PRKN: variants seen among roughly 807,000 people sequenced by gnomAD.
PRKN encodes the protein E3 ubiquitin-protein ligase parkin.
PRKN carries 56 observed loss-of-function variants against 59.5 expected under a neutral mutation model. That is an observed-to-expected ratio of 0.94 (90% CI 0.76 to 1.18). The LOEUF (loss-of-function observed/expected upper bound fraction) is 1.18. PRKN is among the 50% of genes most tolerant of loss of function. The probability of loss-of-function intolerance (pLI) is 0.00; values close to 1 mark genes in which losing one functional copy is unlikely to be tolerated. For missense variants in PRKN, 657 were observed against 596.4 expected, an observed-to-expected ratio of 1.10 and a Z score of -1.06; for synonymous variants, 250 against 222.1, an observed-to-expected ratio of 1.13 and a Z score of -1.12.
At chr6:161,705,854 C>T (rs1023047822) in intron 7 of PRKN, among the ~76,000 whole-genome samples, 1 of 152,060 alleles carries the variant, frequency 6.6e-6, no homozygotes, top group Non-Finnish European at 1.5e-5. Context: ...GTTGTTGTAC[C>T]TTCTTAGCTT....
chr6:162,149,774 C>T (rs1395065977), intron 4 of PRKN, among the ~76,000 whole-genome samples: 1 of 152,116 alleles, frequency 6.6e-6, no homozygotes, highest in Non-Finnish European at 1.5e-5. Context: ...TGGTGAGGGA[C>T]TGCAGCCGTC....
intron 2 of PRKN, among the ~76,000 whole-genome samples, chr6:162,357,409 T>C (rs1027220614): frequency 6.6e-6 from 1 of 152,168 alleles, no homozygotes; most frequent in Admixed American, 6.5e-5. Context: ...TCATATGTCA[T>C]TATGGAATTC....
chr6:162,075,452 C>T (rs1422093463), intron 4 of PRKN, among the ~76,000 whole-genome samples: 1 of 152,086 alleles, frequency 6.6e-6, no homozygotes, highest in Non-Finnish European at 1.5e-5. Flanking sequence ...TAAAACTTAA[C>T]TTGATCGCCT....
intron 5 of PRKN, among the ~76,000 whole-genome samples, chr6:162,008,971 G>A (rs1782372178): frequency 6.6e-6 from 1 of 151,890 alleles, no homozygotes; most frequent in Non-Finnish European, 1.5e-5. Context: ...CAGGTGAGGT[G>A]TGGCCAAGCG....
chr6:161,437,713 C>T (rs1411637299), intron 9 of PRKN, among the ~76,000 whole-genome samples: 1 of 152,062 alleles, frequency 6.6e-6, no homozygotes, highest in Non-Finnish European at 1.5e-5. Flanking sequence ...TTAATGTGTT[C>T]CTGAAAGGAA....
chr6:162,429,885 C>A (rs142657375), intron 2 of PRKN, among the ~76,000 whole-genome samples: 94 of 152,238 alleles, frequency 6.2e-4, no homozygotes, highest in Middle Eastern at 3.4e-3. Context: ...GCGTTTGACC[C>A]GGCTCATCCT....
At chr6:162,576,476 G>T (rs1194557257) in intron 1 of PRKN, among the ~76,000 whole-genome samples, 3 of 152,110 alleles carry the variant, frequency 2.0e-5, no homozygotes, top group African/African-American at 7.2e-5. Context: ...ATTGACTTTG[G>T]AATCTCACAG....
chr6:161,813,258 T>A (rs899004229), intron 6 of PRKN, among the ~76,000 whole-genome samples: 7 of 152,074 alleles, frequency 4.6e-5, no homozygotes, highest in Non-Finnish European at 8.8e-5. Context: ...TGGTTCAGCA[T>A]CCCAGGTGCG....
intron 2 of PRKN, among the ~76,000 whole-genome samples, chr6:162,331,310 C>T (rs796293649): frequency 1.3e-5 from 2 of 152,294 alleles, no homozygotes; most frequent in African/African-American, 4.8e-5. Flanking sequence ...GGTGGAGACA[C>T]AGAGCCAAAC....
At chr6:162,644,696 G>A (rs1481039337) in intron 1 of PRKN, among the ~76,000 whole-genome samples, 4 of 152,142 alleles carry the variant, frequency 2.6e-5, no homozygotes, top group African/African-American at 7.2e-5. Flanking sequence ...GTACCACTAG[G>A]CAATGCTAAC....
chr6:161,910,971 ATAGT>A (rs1465665591), intron 6 of PRKN, among the ~76,000 whole-genome samples: 3 of 152,282 alleles, frequency 2.0e-5, no homozygotes, highest in Non-Finnish European at 4.4e-5. Flanking sequence ...AGACTACAAC[ATAGT>A]TAGTTTTAGA....
intron 2 of PRKN, among the ~76,000 whole-genome samples, chr6:162,295,072 A>C (rs184497141): frequency 6.6e-6 from 1 of 152,368 alleles, no homozygotes; most frequent in Admixed American, 6.5e-5. Context: ...TCAACAATAT[A>C]TTAACTAGGC....
rs1431997171 is a variant in PRKN, at chr6:161,458,445, G to A, written c.1084-71568C>T. On this transcript the variant is annotated intron_variant, in intron 9 of 11. Coordinates refer to ENST00000366898, the MANE Select transcript of PRKN (RefSeq NM_004562.3). The surrounding 1 kb of genome is among the most constrained non-coding windows in gnomAD (Gnocchi z 6.1). The stretch of plus-strand genomic sequence containing the variant: ...GGCCCTCGCCGCGGTGGAGGCAGCC[G>A]TCTGTCTACCTCCTGCCGGCTGCCT... Among the ~76,000 whole-genome samples, 9 of 152,144 alleles carry A rather than the reference G, an allele frequency of 5.9e-5. No homozygotes were observed. Among genetic ancestry groups the A allele is most frequent in the South Asian group, 2.1e-4 (1 of 4,828 alleles).
intron 1 of PRKN, among the ~76,000 whole-genome samples, chr6:162,580,440 G>GAAAA (rs56059992): frequency 1.7e-5 from 2 of 120,608 alleles, no homozygotes; most frequent in African/African-American, 6.8e-5. Flanking sequence ...CCCTGTCTCA[G>GAAAA]AAAAAAAAAA....
At chr6:162,363,133 A>AAC (rs1285461428) in intron 2 of PRKN, among the ~76,000 whole-genome samples, 4 of 26,830 alleles carry the variant, frequency 1.5e-4, no homozygotes, top group Admixed American at 2.7e-4. Context: ...TTCTCAAACA[A>AAC]AAAAAAAAAA....
chr6:162,434,257 G>A (rs1789670244), intron 2 of PRKN, among the ~76,000 whole-genome samples: 1 of 152,072 alleles, frequency 6.6e-6, no homozygotes. Context: ...ACACTATACT[G>A]ACACCAACTT....
Position 161,484,620 on chromosome 6 carries a change from A to T in PRKN, c.1083+64234T>A, listed in dbSNP as rs564560989. Among the ~76,000 whole-genome samples the T allele has an allele frequency of 6.6e-6, 1 of 152,238 alleles. No homozygotes were observed. The highest frequency in any genetic ancestry group is 1.9e-4 in the East Asian group (1 of 5,156). On this transcript the variant is annotated intron_variant, in intron 9 of 11. Transcript: ENST00000366898. The surrounding 1 kb of genome is among the most constrained non-coding windows in gnomAD (Gnocchi z 4.9). ...GACGGCATCAGAACTAAACGCAGGG[A>T]GTCTGACTCAGGGTGTTCAATCTCA...
intron 7 of PRKN, among the ~76,000 whole-genome samples, chr6:161,770,896 C>T (rs78614153): frequency 0.032 from 4,874 of 152,156 alleles, 277 homozygotes; most frequent in African/African-American, 0.11. Context: ...CAGGAGGACA[C>T]AGGCAGGACG....
At chr6:161,619,687 T>C (rs1480451100) in intron 7 of PRKN, among the ~76,000 whole-genome samples, 1 of 152,138 alleles carries the variant, frequency 6.6e-6, no homozygotes, top group Non-Finnish European at 1.5e-5. Flanking sequence ...TTGGGGTCTC[T>C]GAGACAGCAG....
Sources: allele counts gnomAD v4.1 joint callset (sites outside exome capture counted in the v4.1 genomes callset), GRCh38; gene constraint gnomAD v4.1.1; non-coding constraint Gnocchi (gnomAD v3.1); transcripts MANE v1.5; gene names NCBI Gene and HGNC (gene_info 2026-07-23, HGNC 2026-07-21).